SFMBT2: variants seen among roughly 807,000 people sequenced by gnomAD.
The protein encoded by SFMBT2 is scm-like with four MBT domains protein 2.
In SFMBT2, 38 loss-of-function variants were observed where a neutral mutation model predicts 110.1. The ratio of observed to expected loss-of-function variants is 0.35; its 90% CI spans 0.27 to 0.45. The LOEUF is 0.45. Among genes scored for constraint, SFMBT2 ranks in the 20% least tolerant of loss-of-function variants. The pLI is 1.00. For missense variants in SFMBT2, 1,011 were observed against 1,094.9 expected (o/e 0.92, Z 1.08); for synonymous variants, 425 against 425.4 (o/e 1.00, Z 0.01).
intron 16 of SFMBT2, among the ~76,000 whole-genome samples, chr10:7,184,427 C>T (rs1588776078): frequency 6.6e-6 from 1 of 152,106 alleles, no homozygotes; most frequent in African/African-American, 2.4e-5. Context: ...GTGCCTTTCA[C>T]CTTCCGCTGT....
At chr10:7,344,027 A>G (rs1487465444) in intron 4 of SFMBT2, among the ~76,000 whole-genome samples, 1 of 152,222 alleles carries the variant, frequency 6.6e-6, no homozygotes, top group Non-Finnish European at 1.5e-5. Flanking sequence ...ATATGCTCTG[A>G]AAGATACCAC....
In SFMBT2 at chr10:7,170,503, C is replaced by T. The variant is rs919364866; in HGVS notation, c.2544+425G>A. Among the ~76,000 whole-genome samples the T allele has an allele frequency of 2.6e-5, 4 of 152,218 alleles. No individual in the cohort carries two copies. Among genetic ancestry groups the T allele is most frequent in the African/African-American group, 4.8e-5 (2 of 41,468 alleles). ...GGCAACTGGGCACCCCATCCCACCA[C>T]TGACCTGGCATCTGAAAGGGCCAGC... On this transcript the variant is annotated intron_variant, in intron 20 of 20. Coordinates refer to ENST00000397167, the MANE Select transcript of SFMBT2 (RefSeq NM_001387889.1). The surrounding 1 kb of genome is among the most constrained non-coding windows in gnomAD (Gnocchi z 4.6).
intron 1 of SFMBT2, among the ~76,000 whole-genome samples, chr10:7,384,627 C>A (rs1236836042): frequency 6.6e-6 from 1 of 152,120 alleles, no homozygotes; most frequent in Non-Finnish European, 1.5e-5. Flanking sequence ...AATGAAGGAA[C>A]CTTTTAACAG....
chr10:7,220,312 G>A, intron 11 of SFMBT2, 99 bp downstream of exon 11: 1 of 877,218 alleles, frequency 1.1e-6, no homozygotes. Flanking sequence ...TGAAAGAGAA[G>A]TAAGGCCCCT....
intron 9 of SFMBT2, among the ~76,000 whole-genome samples, chr10:7,242,638 G>A (rs1295105166): frequency 6.6e-6 from 1 of 152,100 alleles, no homozygotes; most frequent in African/African-American, 2.4e-5. Flanking sequence ...GACAAATATG[G>A]GGAAAAATGA....
chr10:7,175,288 T>C (rs1222829724), intron 17 of SFMBT2, among the ~76,000 whole-genome samples: 2 of 152,142 alleles, frequency 1.3e-5, no homozygotes, highest in African/African-American at 4.8e-5. Flanking sequence ...GTGGCTACTA[T>C]GGATGGAGAA....
chr10:7,365,604 C>T (rs933547082), intron 4 of SFMBT2, among the ~76,000 whole-genome samples: 1 of 152,094 alleles, frequency 6.6e-6, no homozygotes, highest in Non-Finnish European at 1.5e-5. Context: ...GAAGGGAGAA[C>T]AAAATATGAT....
chr10:7,179,211 C>A (rs1838164493), intron 16 of SFMBT2, among the ~76,000 whole-genome samples: 1 of 151,814 alleles, frequency 6.6e-6, no homozygotes. Context: ...GTAGTGAGAA[C>A]TAGAAAGTAA....
intron 4 of SFMBT2, among the ~76,000 whole-genome samples, chr10:7,365,949 T>G (rs1330291658): frequency 6.6e-6 from 1 of 152,156 alleles, no homozygotes; most frequent in African/African-American, 2.4e-5. Flanking sequence ...TTTAAAGTGG[T>G]GAGTTTTATG....
At chr10:7,364,472 GAATT>G (rs1220474919) in intron 4 of SFMBT2, among the ~76,000 whole-genome samples, 1 of 152,156 alleles carries the variant, frequency 6.6e-6, no homozygotes, top group East Asian at 1.9e-4. Flanking sequence ...GGAGAAGGAA[GAATT>G]GATTAATAAA....
At chr10:7,410,486 G>A (rs771154068) in intron 1 of SFMBT2, among the ~76,000 whole-genome samples, 24 of 152,198 alleles carry the variant, frequency 1.6e-4, no homozygotes, top group Non-Finnish European at 2.8e-4. Context: ...GACAGGCTGC[G>A]CCCGGGGAAG....
At chr10:7,298,981 C>G (rs1842486624) in intron 4 of SFMBT2, among the ~76,000 whole-genome samples, 1 of 152,098 alleles carries the variant, frequency 6.6e-6, no homozygotes, top group Non-Finnish European at 1.5e-5. Flanking sequence ...GAGGCCAAGG[C>G]GGGTGGATTA....
chr10:7,241,378 C>A, intron 9 of SFMBT2: 5 of 964,034 alleles, frequency 5.2e-6, no homozygotes, highest in Non-Finnish European at 6.2e-6. Flanking sequence ...AAGGTACTAG[C>A]CACCATTACT....
chr10:7,272,983 C>T (rs1043444072), intron 7 of SFMBT2, among the ~76,000 whole-genome samples: 1 of 152,156 alleles, frequency 6.6e-6, no homozygotes, highest in African/African-American at 2.4e-5. Flanking sequence ...TTAGTAGAGA[C>T]AGGGTTTTAT....
chr10:7,309,354 C>T (rs997156684), intron 4 of SFMBT2, among the ~76,000 whole-genome samples: 14 of 152,234 alleles, frequency 9.2e-5, no homozygotes, highest in Admixed American at 4.6e-4. Context: ...TCTCATCAGC[C>T]AGGTACACAT....
chr10:7,312,424 C>T (rs1413199285), intron 4 of SFMBT2, among the ~76,000 whole-genome samples: 1 of 152,136 alleles, frequency 6.6e-6, no homozygotes, highest in African/African-American at 2.4e-5. Flanking sequence ...AAGTAAAGCA[C>T]AAGGGAGCAG....
chr10:7,243,505 G>A (rs999744304), intron 9 of SFMBT2, 53 bp downstream of exon 9: 1 of 862,656 alleles, frequency 1.2e-6, no homozygotes, highest in African/African-American at 1.6e-5. Flanking sequence ...TTCAATGACA[G>A]TAAGACACCC....
At chr10:7,330,648 T>A (rs145228087) in intron 4 of SFMBT2, among the ~76,000 whole-genome samples, 159 of 152,146 alleles carry the variant, frequency 1.0e-3, no homozygotes, top group Middle Eastern at 6.8e-3. Context: ...CAGCTCCCTG[T>A]CTCTCTCTTT....
chr10:7,248,426 A>C (rs1840687962), intron 8 of SFMBT2, 122 bp downstream of exon 8: 3 of 770,672 alleles, frequency 3.9e-6, no homozygotes, highest in Non-Finnish European at 6.4e-6. Context: ...AATCTTCCTT[A>C]GCTTCGCCTG....
Sources: allele counts gnomAD v4.1 joint callset (sites outside exome capture counted in the v4.1 genomes callset), GRCh38; gene constraint gnomAD v4.1.1; non-coding constraint Gnocchi (gnomAD v3.1); transcripts MANE v1.5; gene names NCBI Gene and HGNC (gene_info 2026-07-23, HGNC 2026-07-21).